The following WDR19 variants were observed in gnomAD, a reference collection of about 807,000 sequenced individuals.
WDR19 encodes the protein WD repeat domain 19, also known as WD repeat-containing protein 19.
WDR19 carries 121 observed loss-of-function variants against 180.0 expected under a neutral mutation model. The observed-to-expected ratio is 0.67, with a 90% CI of 0.58 to 0.78. WDR19 has a LOEUF of 0.78. Among genes scored for constraint, WDR19 ranks in the 30% least tolerant of loss-of-function variants. WDR19 has a pLI of 0.00. For missense variants in WDR19, 1,450 were observed against 1,640.7 expected, an observed-to-expected ratio of 0.88 and a Z score of 2.01; for synonymous variants, 497 against 540.7, an observed-to-expected ratio of 0.92 and a Z score of 1.12.
chr4:39,224,111 T>A (rs1729985669), intron 14 of WDR19, among the ~76,000 whole-genome samples: 1 of 152,182 alleles, frequency 6.6e-6, no homozygotes, highest in African/African-American at 2.4e-5. Flanking sequence ...GTAAATGGTA[T>A]TGCATTTTTA....
chr4:39,275,055 G>T, intron 33 of WDR19, 97 bp downstream of exon 33: 1 of 1,477,208 alleles, frequency 6.8e-7, no homozygotes, highest in South Asian at 1.2e-5. Flanking sequence ...GAAAACGGTG[G>T]GGGGCCAGGT....
intron 28 of WDR19, among the ~76,000 whole-genome samples, chr4:39,259,214 A>C (rs1734048527): frequency 6.6e-6 from 1 of 152,234 alleles, no homozygotes; most frequent in Non-Finnish European, 1.5e-5. Flanking sequence ...GGTGTAAGGT[A>C]GGGGTCAAGG....
chr4:39,205,004 T>G (rs967650431), intron 7 of WDR19, 150 bp from the exon 8 acceptor site: 1 of 573,142 alleles, frequency 1.7e-6, no homozygotes, highest in African/African-American at 1.9e-5. Flanking sequence ...TAAATACATT[T>G]TTAGTCATAT....
At chr4:39,192,355 G>A (rs1726256780) in intron 4 of WDR19, among the ~76,000 whole-genome samples, 1 of 152,220 alleles carries the variant, frequency 6.6e-6, no homozygotes, top group Non-Finnish European at 1.5e-5. Context: ...AGAGAGGTTA[G>A]AAGAGATTGG....
chr4:39,209,840 AC>A (rs1728315567), intron 9 of WDR19, among the ~76,000 whole-genome samples: 1 of 152,194 alleles, frequency 6.6e-6, no homozygotes, highest in Non-Finnish European at 1.5e-5. Flanking sequence ...CAAGAATGAA[AC>A]AGGAGTATCC....
chr4:39,225,083 G>T, intron 15 of WDR19, 50 bp downstream of exon 15: 1 of 1,413,894 alleles, frequency 7.1e-7, no homozygotes, highest in South Asian at 1.6e-5. Flanking sequence ...GCAATATAGG[G>T]AAAAAAAGTG....
At chr4:39,206,899 A>C (rs1406075997) in intron 9 of WDR19, among the ~76,000 whole-genome samples, 1 of 152,232 alleles carries the variant, frequency 6.6e-6, no homozygotes, top group Non-Finnish European at 1.5e-5. Flanking sequence ...GCTGAAACAA[A>C]AATATTAACC....
rs1456774460 is a variant in WDR19, at chr4:39,182,576, C to T, written c.6+13C>T. On this transcript the variant is annotated intron_variant, in intron 1 of 36. Transcript: ENST00000399820. Reference sequence around the variant, plus strand: ...CGTGGAGATGAAGGTAAATAACTTACAAATTCCCGGGGTGGGGCGGGAAAA... The same window carrying T: ...CGTGGAGATGAAGGTAAATAACTTATAAATTCCCGGGGTGGGGCGGGAAAA... 3 of 1,613,758 alleles carry T rather than the reference C, an allele frequency of 1.9e-6. No homozygotes were observed. Among genetic ancestry groups the T allele is most frequent in the South Asian group, 1.1e-5 (1 of 91,066 alleles).
In WDR19 at chr4:39,244,384, T is replaced by C. The variant is rs771801929; in HGVS notation, c.2558T>C (p.Met853Thr). ...GACTGTGGAGCCATATTGGAGAATATGAAGGTCCTCTTTTCTCTGCATCAA... is the reference window on the plus strand; with the variant it reads ...GACTGTGGAGCCATATTGGAGAATACGAAGGTCCTCTTTTCTCTGCATCAA... Reference protein sequence around the residue: ...KRDCGAILENMKQFSEAAQLY... With the variant: ...KRDCGAILENTKQFSEAAQLY... The change falls in exon 22 of 37, where the codon ATG becomes ACG. Residue 853 changes from methionine (M) to threonine (T), a missense_variant. Physicochemically the swap from Met to Thr is moderately conservative, Grantham distance 81. Coordinates refer to ENST00000399820, the MANE Select transcript of WDR19 (RefSeq NM_025132.4). 1 of 1,613,874 alleles carries C rather than the reference T, an allele frequency of 6.2e-7. No homozygotes were observed. Among genetic ancestry groups the C allele is most frequent in the Non-Finnish European group, 8.5e-7 (1 of 1,179,868 alleles).
chr4:39,187,740 C>A (rs950341053), intron 3 of WDR19, among the ~76,000 whole-genome samples: 3 of 152,162 alleles, frequency 2.0e-5, no homozygotes, highest in African/African-American at 7.2e-5. Context: ...ATTGCGTGAG[C>A]TTTATTGTGT....
intron 14 of WDR19, among the ~76,000 whole-genome samples, chr4:39,220,514 C>CTCT (rs200521111): frequency 7.8e-6 from 1 of 128,306 alleles, no homozygotes; most frequent in Non-Finnish European, 1.7e-5. Context: ...TTTCTTTTTT[C>CTCT]TCTTCTTCTT....
At chr4:39,250,747 C>G (rs1733076983) in intron 24 of WDR19, among the ~76,000 whole-genome samples, 1 of 152,120 alleles carries the variant, frequency 6.6e-6, no homozygotes, top group African/African-American at 2.4e-5. Context: ...TGAGTGAACT[C>G]CCATTCACAG....
chr4:39,216,058 G>A, intron 11 of WDR19, 38 bp from the exon 12 acceptor site: 1 of 1,538,808 alleles, frequency 6.5e-7, no homozygotes, highest in Non-Finnish European at 8.7e-7. Context: ...AATAAAATAA[G>A]TTTAGCCGTT....
intron 26 of WDR19, 99 bp downstream of exon 26, chr4:39,254,129 G>C: frequency 8.1e-7 from 1 of 1,232,812 alleles, no homozygotes; most frequent in Non-Finnish European, 1.1e-6. Flanking sequence ...ATACAAGAAT[G>C]CGCCTGGTGT....
chr4:39,221,537 G>A (rs1729704281), intron 14 of WDR19, among the ~76,000 whole-genome samples: 1 of 152,170 alleles, frequency 6.6e-6, no homozygotes, highest in South Asian at 2.1e-4. Flanking sequence ...TTGGACAGGC[G>A]TGGTGGCACA....
chr4:39,281,232 T>TAGAGAGAGAGAGAGAGAGAGAGAG (rs542816951), intron 36 of WDR19, among the ~76,000 whole-genome samples: 9 of 100,952 alleles, frequency 8.9e-5, no homozygotes, highest in East Asian at 7.8e-4. Context: ...TATATATATA[T>TAGAGAGAGAGAGAGAGAGAGAGAG]ATATAGAGAG....
Position 39,230,491 on chromosome 4 carries a change from G to A in WDR19, c.1983-1306G>A, listed in dbSNP as rs75441932. 5.3e-4 allele frequency among the ~76,000 whole-genome samples: 80 copies of A among 152,228 alleles called. 1 individual carries two copies. In the East Asian group the frequency reaches 9.5e-3, roughly 18 times the overall value. The stretch of plus-strand genomic sequence containing the variant: ...GTGTGCCTTGGGCTAGTCTTTTGAC[G>A]TCTCTAAGCCTCATTTTCCTAATCT... On this transcript the variant is annotated intron_variant, in intron 17 of 36. Coordinates refer to ENST00000399820, the MANE Select transcript of WDR19 (RefSeq NM_025132.4).
At chr4:39,195,549 CCTT>C (rs2109268505) in intron 5 of WDR19, among the ~76,000 whole-genome samples, 1 of 152,154 alleles carries the variant, frequency 6.6e-6, no homozygotes, top group South Asian at 2.1e-4. Context: ...CCTTGTTTGA[CCTT>C]CTTGTTTTGG....
intron 21 of WDR19, among the ~76,000 whole-genome samples, chr4:39,240,828 C>T (rs190148688): frequency 3.5e-4 from 53 of 151,534 alleles, no homozygotes; most frequent in Admixed American, 1.8e-3. Context: ...TGGTGGTGCA[C>T]GCCTGTAGTC....
Sources: gnomAD v4.1 joint callset for allele counts (sites outside exome capture counted in the v4.1 genomes callset) on GRCh38, gnomAD v4.1.1 for gene constraint, MANE v1.5 for transcripts, NCBI Gene and HGNC (gene_info 2026-07-23, HGNC 2026-07-21) for gene names.